Variants in MTA3 observed in about 807,000 individuals in gnomAD.
MTA3 encodes metastasis associated 1 family member 3.
In MTA3, 34 loss-of-function variants were observed where a neutral mutation model predicts 83.5. The observed-to-expected ratio is 0.41, with a 90% CI of 0.31 to 0.54. MTA3 has a LOEUF of 0.54. Among genes scored for constraint, MTA3 ranks in the 20% least tolerant of loss-of-function variants. MTA3 has a pLI of 0.33. For synonymous variants in MTA3, 303 were observed against 252.7 expected, an observed-to-expected ratio of 1.20 and a Z score of -1.89; for missense variants, 761 against 726.4, an observed-to-expected ratio of 1.05 and a Z score of -0.55.
At chr2:42,720,191 TA>T (rs1478722306) in intron 15 of MTA3, among the ~76,000 whole-genome samples, 75 of 152,016 alleles carry the variant, frequency 4.9e-4, no homozygotes, top group African/African-American at 1.5e-3. Context: ...TTTATTTATT[TA>T]TTTTTTTTGA....
chr2:42,540,940 A>T (rs1676491398), intron 2 of MTA3, among the ~76,000 whole-genome samples: 1 of 152,048 alleles, frequency 6.6e-6, no homozygotes, highest in East Asian at 1.9e-4. Context: ...TGTACTACAC[A>T]TGGTCCCTGA....
At chr2:42,713,259 T>C (rs762603926) in intron 14 of MTA3, among the ~76,000 whole-genome samples, 1 of 152,172 alleles carries the variant, frequency 6.6e-6, no homozygotes, top group Non-Finnish European at 1.5e-5. Context: ...ATTTTTCTGT[T>C]TGAAGAAGCT....
chr2:42,639,001 T>C (rs1457602733), intron 4 of MTA3, among the ~76,000 whole-genome samples: 1 of 151,824 alleles, frequency 6.6e-6, no homozygotes, highest in Admixed American at 6.6e-5. Context: ...AATTTTTTTC[T>C]TTGAATTGTA....
At chr2:42,649,958 T>G (rs1688558025) in intron 6 of MTA3, among the ~76,000 whole-genome samples, 1 of 152,236 alleles carries the variant, frequency 6.6e-6, no homozygotes, top group Non-Finnish European at 1.5e-5. Context: ...TGTTTTATTA[T>G]GATTGTTACT....
At chr2:42,610,493 T>C (rs1370043125) in intron 4 of MTA3, among the ~76,000 whole-genome samples, 1 of 152,216 alleles carries the variant, frequency 6.6e-6, no homozygotes, top group Non-Finnish European at 1.5e-5. Context: ...AATTAAATTC[T>C]TTTTCTACTG....
At chr2:42,638,257 C>T (rs1034479987) in intron 4 of MTA3, among the ~76,000 whole-genome samples, 3 of 152,070 alleles carry the variant, frequency 2.0e-5, no homozygotes, top group African/African-American at 4.8e-5. Context: ...ATTTATTAAG[C>T]ATATTGCATG....
At chr2:42,729,109 T>TG (rs1283262050) in intron 16 of MTA3, among the ~76,000 whole-genome samples, 1 of 140,272 alleles carries the variant, frequency 7.1e-6, no homozygotes, top group Non-Finnish European at 1.5e-5. Flanking sequence ...TTTTTTTTTT[T>TG]TTTTCACAGA....
At chr2:42,532,930 G>T (rs1199388998) in intron 2 of MTA3, 2 of 259,356 alleles carry the variant, frequency 7.7e-6, no homozygotes, top group Non-Finnish European at 1.5e-5. Flanking sequence ...GCTTCAGGAA[G>T]CTCTCTCAGC....
At chr2:42,642,954 T>G (rs184236089) in intron 5 of MTA3, among the ~76,000 whole-genome samples, 37 of 152,244 alleles carry the variant, frequency 2.4e-4, no homozygotes, top group African/African-American at 8.9e-4. Flanking sequence ...CTAAGCTGGT[T>G]GTTTTATCTA....
At chr2:42,728,230 A>G (rs1379484603) in intron 16 of MTA3, among the ~76,000 whole-genome samples, 8 of 152,166 alleles carry the variant, frequency 5.3e-5, no homozygotes. Context: ...ACTTAACATA[A>G]TGTCCTCCAG....
intron 14 of MTA3, among the ~76,000 whole-genome samples, chr2:42,710,458 G>T (rs917930903): frequency 6.6e-6 from 1 of 150,670 alleles, no homozygotes; most frequent in Admixed American, 6.7e-5. Context: ...GGCCAAGGCA[G>T]GAGAATTGCT....
chr2:42,714,910 C>G (rs1243421798), intron 14 of MTA3, among the ~76,000 whole-genome samples: 4 of 152,208 alleles, frequency 2.6e-5, no homozygotes, highest in Non-Finnish European at 5.9e-5. Flanking sequence ...TAATGCTCAC[C>G]TGCTGTCCGG....
intron 2 of MTA3, among the ~76,000 whole-genome samples, chr2:42,499,037 A>G (rs937127255): frequency 1.3e-5 from 2 of 152,156 alleles, no homozygotes; most frequent in Non-Finnish European, 2.9e-5. Context: ...GCTCTAATAC[A>G]GGGAGGTATA....
intron 4 of MTA3, among the ~76,000 whole-genome samples, chr2:42,614,742 G>T (rs1333538776): frequency 1.3e-5 from 2 of 151,932 alleles, no homozygotes; most frequent in African/African-American, 2.4e-5. Context: ...TGAGAGGCCG[G>T]GGTGGGAGGA....
At chr2:42,499,357 G>T (rs1241262539) in intron 2 of MTA3, among the ~76,000 whole-genome samples, 1 of 151,240 alleles carries the variant, frequency 6.6e-6, no homozygotes, top group Non-Finnish European at 1.5e-5. Context: ...GTAGAGACAG[G>T]GTTTCTCCAT....
At chr2:42,501,349 G>A (rs991853227) in intron 2 of MTA3, among the ~76,000 whole-genome samples, 2 of 152,130 alleles carry the variant, frequency 1.3e-5, no homozygotes, top group Non-Finnish European at 2.9e-5. Context: ...TTTCCTAGTA[G>A]AGAAGAGGAG....
At chr2:42,499,280 G>C (rs1469029897) in intron 2 of MTA3, among the ~76,000 whole-genome samples, 1 of 151,256 alleles carries the variant, frequency 6.6e-6, no homozygotes, top group Non-Finnish European at 1.5e-5. Context: ...CGATTCTCCT[G>C]CCTCAGCCTC....
chr2:42,684,269 A>G (rs1420139959), intron 9 of MTA3, among the ~76,000 whole-genome samples: 1 of 152,202 alleles, frequency 6.6e-6, no homozygotes, highest in Non-Finnish European at 1.5e-5. Flanking sequence ...TAGAATCTTT[A>G]TAGACCATTA....
chr2:42,690,947 G>A (rs1245821751), intron 9 of MTA3, among the ~76,000 whole-genome samples: 24 of 151,486 alleles, frequency 1.6e-4, no homozygotes, highest in Non-Finnish European at 2.9e-5. Context: ...CGCGATCTCT[G>A]CTTACTGCAA....
Sources: gnomAD v4.1 joint callset for allele counts (sites outside exome capture counted in the v4.1 genomes callset) on GRCh38, gnomAD v4.1.1 for gene constraint, MANE v1.5 for transcripts, NCBI Gene and HGNC (gene_info 2026-07-23, HGNC 2026-07-21) for gene names.